Variants in SUMF1 observed in about 807,000 individuals in gnomAD.
SUMF1 encodes the protein formylglycine-generating enzyme.
Under a neutral mutation model 47.6 loss-of-function variants are expected in SUMF1, and 48 were observed. That is an observed-to-expected ratio of 1.01 (90% confidence interval 0.80 to 1.28). The LOEUF is 1.28. Among genes scored for constraint, SUMF1 ranks in the 50% most tolerant of loss-of-function variants. SUMF1 has a pLI of 0.00. For missense variants in SUMF1, 571 were observed against 485.4 expected, an observed-to-expected ratio of 1.18 and a Z score of -1.66; for synonymous variants, 230 against 192.1, an observed-to-expected ratio of 1.20 and a Z score of -1.63.
chr3:4,423,086 A>T (rs1029429312), intron 3 of SUMF1, among the ~76,000 whole-genome samples: 1 of 152,214 alleles, frequency 6.6e-6, no homozygotes, highest in Non-Finnish European at 1.5e-5. Context: ...AAGAGCGTGG[A>T]GATTCCCTAA....
At chr3:4,039,530 T>C (rs971709329) in intron 9 of SUMF1, among the ~76,000 whole-genome samples, 2 of 143,450 alleles carry the variant, frequency 1.4e-5, no homozygotes, top group South Asian at 4.7e-4. Context: ...ATTTCATCCA[T>C]GTCCCTACAA....
chr3:4,316,307 C>T (rs1379012715), intron 8 of SUMF1: 1 of 1,136,256 alleles, frequency 8.8e-7, no homozygotes, highest in East Asian at 2.6e-5. Context: ...CTCGCAACAT[C>T]AACAATGCAT....
chr3:4,373,257 C>CA (rs1376561494), intron 8 of SUMF1, among the ~76,000 whole-genome samples: 1 of 152,020 alleles, frequency 6.6e-6, no homozygotes, highest in Non-Finnish European at 1.5e-5. Context: ...CAAGATGGCA[C>CA]ATTTCAACCC....
intron 8 of SUMF1, among the ~76,000 whole-genome samples, chr3:4,085,836 C>T (rs937777200): frequency 2.0e-5 from 3 of 151,780 alleles, no homozygotes; most frequent in Non-Finnish European, 2.9e-5. Flanking sequence ...TTATACTATA[C>T]ACCTTTCCTA....
intron 8 of SUMF1, among the ~76,000 whole-genome samples, chr3:4,231,171 G>C (rs1038416834): frequency 4.6e-5 from 7 of 152,072 alleles, no homozygotes; most frequent in Non-Finnish European, 1.0e-4. Flanking sequence ...CTAATAGCTA[G>C]GCACAATCGA....
chr3:4,104,615 G>C lies in SUMF1; in HGVS notation c.1015-35870C>G, dbSNP rs887888089. Among the ~76,000 whole-genome samples, 5 of 151,738 alleles carry C rather than the reference G, an allele frequency of 3.3e-5. No homozygotes were observed. In the East Asian group the frequency reaches 9.7e-4, roughly 30 times the overall value. On this transcript the variant is annotated intron_variant and NMD_transcript_variant, in intron 8 of 12. Transcript: ENST00000448413. ...CCACCCTGCTGGGCCACCTCAGGTT[G>C]GTGTCCTGTACTAAAGGTGGAGGAT...
chr3:4,179,402 C>T (rs1035979035), intron 8 of SUMF1, among the ~76,000 whole-genome samples: 1 of 152,144 alleles, frequency 6.6e-6, no homozygotes, highest in Non-Finnish European at 1.5e-5. Context: ...ACCATCTGAT[C>T]TTTGATAAAC....
At chr3:4,290,160 T>C (rs1294753691) in intron 8 of SUMF1, among the ~76,000 whole-genome samples, 2 of 152,192 alleles carry the variant, frequency 1.3e-5, no homozygotes, top group Admixed American at 6.5e-5. Flanking sequence ...ATAAAACACA[T>C]TCCCAAGTTT....
chr3:4,215,963 G>T (rs995830034), intron 8 of SUMF1, among the ~76,000 whole-genome samples: 1 of 152,090 alleles, frequency 6.6e-6, no homozygotes, highest in Non-Finnish European at 1.5e-5. Flanking sequence ...TGGTCATACT[G>T]CCCAAAGTAA....
intron 3 of SUMF1, 84 bp downstream of exon 3, chr3:4,449,182 T>C (rs1376060504): frequency 2.8e-6 from 4 of 1,415,168 alleles, no homozygotes; most frequent in Non-Finnish European, 4.0e-6. Flanking sequence ...GAGAGGAAGG[T>C]GACACATGTG....
chr3:4,304,493 A>G (rs1447352888), intron 8 of SUMF1, among the ~76,000 whole-genome samples: 1 of 152,208 alleles, frequency 6.6e-6, no homozygotes, highest in South Asian at 2.1e-4. Context: ...CCCAAGGAAT[A>G]AGGAATGACC....
Position 4,417,327 on chromosome 3 carries a change from G to T in SUMF1, c.726-85C>A, listed in dbSNP as rs555145355. On this transcript the variant is annotated intron_variant, in intron 5 of 8. Coordinates refer to ENST00000272902, the MANE Select transcript of SUMF1 (RefSeq NM_182760.4). Reference sequence around the variant, plus strand: ...AAGAGAAGGGATGCAATGAAAAAGAGAACATTGCTTGCTTGTTCTGAGTGA... The same window carrying T: ...AAGAGAAGGGATGCAATGAAAAAGATAACATTGCTTGCTTGTTCTGAGTGA... 46 of 1,067,032 alleles carry T rather than the reference G, an allele frequency of 4.3e-5. No homozygotes were observed. The East Asian group carries it at 9.9e-4, about 23-fold the overall frequency. The allele number at this position is 1,067,032 out of a possible 1,614,324, so 66.1% of individuals were successfully genotyped here.
intron 8 of SUMF1, among the ~76,000 whole-genome samples, chr3:4,195,279 C>G (rs1695403855): frequency 6.6e-6 from 1 of 152,136 alleles, no homozygotes; most frequent in Non-Finnish European, 1.5e-5. Context: ...AGACAAGCTA[C>G]AAGTCCCATA....
At chr3:4,402,838 A>G (rs1701257981) in intron 7 of SUMF1, among the ~76,000 whole-genome samples, 1 of 152,240 alleles carries the variant, frequency 6.6e-6, no homozygotes, top group Admixed American at 6.5e-5. Flanking sequence ...TTTGTAAAAA[A>G]TAACTGCATG....
intron 8 of SUMF1, among the ~76,000 whole-genome samples, chr3:4,136,634 A>G: frequency 6.6e-6 from 1 of 151,814 alleles, no homozygotes; most frequent in African/African-American, 2.4e-5. Context: ...ATCTAATTAA[A>G]CTAAAGAGCT....
chr3:4,417,321 AAAAGAGAAC>A, intron 5 of SUMF1, 79 bp from the exon 6 acceptor site: 1 of 1,118,782 alleles, frequency 8.9e-7, no homozygotes, highest in Non-Finnish European at 1.4e-6. Flanking sequence ...GATGCAATGA[AAAAGAGAAC>A]ATTGCTTGCT....
At chr3:4,197,161 T>C (rs904873470) in intron 8 of SUMF1, among the ~76,000 whole-genome samples, 1 of 152,172 alleles carries the variant, frequency 6.6e-6, no homozygotes, top group Non-Finnish European at 1.5e-5. Flanking sequence ...ATCATGGACC[T>C]GGAGTACAGT....
intron 8 of SUMF1, among the ~76,000 whole-genome samples, chr3:4,226,835 T>G (rs1242536819): frequency 6.6e-6 from 1 of 151,576 alleles, no homozygotes; most frequent in Non-Finnish European, 1.5e-5. Context: ...CTCCTGCCAG[T>G]AACTTTTATA....
At chr3:4,448,443 G>A (rs1362961567) in intron 3 of SUMF1, among the ~76,000 whole-genome samples, 1 of 152,068 alleles carries the variant, frequency 6.6e-6, no homozygotes, top group Admixed American at 6.6e-5. Flanking sequence ...CAGCCTCCCT[G>A]GAGTGGGCAG....
Sources: allele counts gnomAD v4.1 joint callset (sites outside exome capture counted in the v4.1 genomes callset), GRCh38; gene constraint gnomAD v4.1.1; transcripts MANE v1.5; gene names NCBI Gene and HGNC (gene_info 2026-07-23, HGNC 2026-07-21).